CAMSAP2: variants seen among roughly 807,000 people sequenced by gnomAD.
The protein encoded by CAMSAP2 is calmodulin regulated spectrin associated protein family member 2.
Under a neutral mutation model 146.1 loss-of-function variants are expected in CAMSAP2, and 26 were observed. The observed-to-expected ratio is 0.18, with a 90% CI of 0.13 to 0.25. The LOEUF is 0.25. Ranked by LOEUF, CAMSAP2 falls within the 10% of genes least tolerant of loss-of-function variation. The probability of loss-of-function intolerance (pLI) is 1.00; values close to 1 mark genes in which losing one functional copy is unlikely to be tolerated. For synonymous variants in CAMSAP2, 499 were observed against 596.6 expected (o/e 0.84, Z 2.38); for missense variants, 1,381 against 1,759.3 (o/e 0.78, Z 3.85).
In CAMSAP2 at chr1:200,855,886, C is replaced by T. The variant is rs576837349; in HGVS notation, c.3897-124C>T. 60 of 668,070 alleles carry T rather than the reference C, an allele frequency of 9.0e-5. 1 individual carries two copies. Among genetic ancestry groups the T allele is most frequent in the Admixed American group, 5.5e-4 (23 of 41,818 alleles). 41.4% of individuals were successfully genotyped at this position (668,070 alleles called of 1,614,324 possible). On this transcript the variant is annotated intron_variant, in intron 14 of 16. Transcript: ENST00000358823. ...CTGGGATTACAGGCATGAGCCACCG[C>T]GCCCGGCCTTATCATATTATTTTTA...
At chr1:200,747,023 C>T (rs1476035375) in intron 1 of CAMSAP2, among the ~76,000 whole-genome samples, 1 of 152,126 alleles carries the variant, frequency 6.6e-6, no homozygotes, top group African/African-American at 2.4e-5. Flanking sequence ...ATCCTCCTGC[C>T]TCAGCCTTTT....
intron 4 of CAMSAP2, among the ~76,000 whole-genome samples, chr1:200,820,991 T>G (rs1381510000): frequency 4.6e-5 from 7 of 152,178 alleles, no homozygotes; most frequent in African/African-American, 1.7e-4. Context: ...TGTTCAAATA[T>G]AGCGCATCAT....
rs374737109 is a variant in CAMSAP2 at position 200,815,637 on chromosome 1, G to T, written c.638G>T (p.Gly213Val). The stretch of plus-strand genomic sequence containing the variant: ...CATCACACAGTTGAAGCTCCAGGAG[G>T]TCAAAAGGTATTTATTTCAAAAACA... ...KEHHTVEAPG[G>V]QKARYRKEQT... Residue 213 changes from glycine (G) to valine (V), a missense_variant, in exon 4 of 17, where the codon GGT becomes GTT. This residue lies in a region of CAMSAP2 where 284 missense variants were observed against 406.9 expected (regional missense o/e 0.70). Coordinates refer to ENST00000358823, the MANE Select transcript of CAMSAP2 (RefSeq NM_203459.4). 5.2e-6 allele frequency: 8 copies of T among 1,551,770 alleles called. No individual in the cohort carries two copies.
At chr1:200,745,079 G>A (rs1664284643) in intron 1 of CAMSAP2, among the ~76,000 whole-genome samples, 1 of 152,000 alleles carries the variant, frequency 6.6e-6, no homozygotes, top group African/African-American at 2.4e-5. Flanking sequence ...TTAATTCTGA[G>A]AATGAGCCTA....
At chr1:200,846,670 G>A (rs916071760) in intron 8 of CAMSAP2, among the ~76,000 whole-genome samples, 4 of 152,106 alleles carry the variant, frequency 2.6e-5, no homozygotes, top group African/African-American at 9.7e-5. Flanking sequence ...GAATAATGTA[G>A]CCACATCTCA....
chr1:200,766,607 G>A (rs1664959555), intron 2 of CAMSAP2, among the ~76,000 whole-genome samples: 1 of 152,230 alleles, frequency 6.6e-6, no homozygotes, highest in Non-Finnish European at 1.5e-5. Flanking sequence ...GTTAAGTAGT[G>A]AAGGCAGGAT....
chr1:200,801,326 T>C (rs1480363158), intron 2 of CAMSAP2, among the ~76,000 whole-genome samples: 3 of 152,126 alleles, frequency 2.0e-5, no homozygotes, highest in Non-Finnish European at 4.4e-5. Context: ...TTGTAGGGTT[T>C]CCACGTAGAG....
chr1:200,788,338 A>T (rs190944083), intron 2 of CAMSAP2, among the ~76,000 whole-genome samples: 1 of 152,312 alleles, frequency 6.6e-6, no homozygotes, highest in South Asian at 2.1e-4. Flanking sequence ...AGCTTACATA[A>T]TCATCTGTGT....
chr1:200,752,864 G>A (rs1664548123), intron 1 of CAMSAP2, among the ~76,000 whole-genome samples: 2 of 151,908 alleles, frequency 1.3e-5, no homozygotes, highest in Admixed American at 6.6e-5. Context: ...TGATCCACCC[G>A]CCTCGGCCTC....
intron 4 of CAMSAP2, among the ~76,000 whole-genome samples, chr1:200,819,895 G>A (rs1160700064): frequency 6.6e-6 from 1 of 152,064 alleles, no homozygotes; most frequent in Middle Eastern, 3.2e-3. Context: ...ATGATACTAG[G>A]TCATAAGGAA....
At chr1:200,847,391 T>TG (rs954137605) in intron 9 of CAMSAP2, 99 bp downstream of exon 9, 23 of 736,368 alleles carry the variant, frequency 3.1e-5, no homozygotes, top group African/African-American at 6.7e-5. Flanking sequence ...CAGGGTTTTT[T>TG]TGTGTGTGTG....
intron 3 of CAMSAP2, among the ~76,000 whole-genome samples, chr1:200,808,558 C>T (rs1349182808): frequency 6.6e-6 from 1 of 152,198 alleles, no homozygotes; most frequent in Non-Finnish European, 1.5e-5. Flanking sequence ...AGAAGGACTG[C>T]TTAATACTTT....
intron 11 of CAMSAP2, among the ~76,000 whole-genome samples, chr1:200,851,466 A>G (rs556276266): frequency 6.6e-6 from 1 of 152,346 alleles, no homozygotes; most frequent in African/African-American, 2.4e-5. Flanking sequence ...AAGTGCTGGG[A>G]TTACAGGCAT....
intron 6 of CAMSAP2, among the ~76,000 whole-genome samples, chr1:200,837,877 C>G (rs1024600104): frequency 1.3e-5 from 2 of 152,080 alleles, no homozygotes; most frequent in Non-Finnish European, 2.9e-5. Context: ...CTTGGCTTAA[C>G]TGTTGTTGGT....
Position 200,746,980 on chromosome 1 carries a change from C to G in CAMSAP2, c.139+7014C>G, listed in dbSNP as rs945730766. On this transcript the variant is annotated intron_variant, in intron 1 of 16. Transcript: ENST00000358823. ...GCTGAGTGCAGTCATGTGATCAAAG[C>G]TCATTGCAGCTTCAAATTTCTGGGC... Among the ~76,000 whole-genome samples, 3 of 152,138 alleles carry G rather than the reference C, an allele frequency of 2.0e-5. No individual in the cohort carries two copies. In the East Asian group the frequency reaches 5.8e-4, roughly 29 times the overall value.
chr1:200,805,555 C>T (rs1163174453), intron 2 of CAMSAP2, among the ~76,000 whole-genome samples: 2 of 152,188 alleles, frequency 1.3e-5, no homozygotes, highest in Non-Finnish European at 2.9e-5. Context: ...TTTAAAAATA[C>T]CAGTGCTGAT....
chr1:200,775,523 G>A (rs958644590), intron 2 of CAMSAP2, among the ~76,000 whole-genome samples: 1 of 151,778 alleles, frequency 6.6e-6, no homozygotes, highest in Non-Finnish European at 1.5e-5. Context: ...ATGAATATCC[G>A]AGGCTTTTTT....
At chr1:200,812,795 A>G (rs908352837) in intron 3 of CAMSAP2, among the ~76,000 whole-genome samples, 1 of 152,224 alleles carries the variant, frequency 6.6e-6, no homozygotes, top group Non-Finnish European at 1.5e-5. Flanking sequence ...AATCATGAAT[A>G]TATTAACCTT....
At chr1:200,763,561 G>T (rs1170626352) in intron 2 of CAMSAP2, among the ~76,000 whole-genome samples, 1 of 152,024 alleles carries the variant, frequency 6.6e-6, no homozygotes, top group Non-Finnish European at 1.5e-5. Context: ...ACCAACCAAA[G>T]AACTTGAGAA....
Sources: allele counts gnomAD v4.1 joint callset (sites outside exome capture counted in the v4.1 genomes callset), GRCh38; gene constraint gnomAD v4.1.1; regional missense constraint gnomAD v4.1.1; transcripts MANE v1.5; gene names NCBI Gene and HGNC (gene_info 2026-07-23, HGNC 2026-07-21).